Variants in MVD observed in about 807,000 individuals in gnomAD.
The protein encoded by MVD is diphosphomevalonate decarboxylase.
Under a neutral mutation model 42.4 loss-of-function variants are expected in MVD, and 52 were observed. The ratio of observed to expected loss-of-function variants is 1.23; its 90% CI spans 0.98 to 1.55. MVD has a LOEUF of 1.55. MVD is among the 40% of genes most tolerant of loss of function. The probability of loss-of-function intolerance (pLI) is 0.00; values close to 1 mark genes in which losing one functional copy is unlikely to be tolerated. For missense variants in MVD, 663 were observed against 572.1 expected (o/e 1.16, Z -1.62); for synonymous variants, 287 against 243.2 (o/e 1.18, Z -1.68).
At chr16:88,662,944 G>C (rs1908405621) in intron 1 of MVD, 67 bp downstream of exon 1, 1 of 1,551,524 alleles carries the variant, frequency 6.4e-7, no homozygotes, top group African/African-American at 1.4e-5. Context: ...CCGAATCAGC[G>C]CGCGACCCCC....
chr16:88,656,104 C>T lies in MVD; in HGVS notation c.603+1G>A, dbSNP rs1247539129. On this transcript the variant is annotated splice_donor_variant, in intron 5 of 9. Coordinates refer to ENST00000301012, the MANE Select transcript of MVD (RefSeq NM_002461.3). LOFTEE classifies it high-confidence loss of function. ...TGCTCCACCCGCCCCACCCCACTCA[C>T]CACAAGGATGAGCACGCGGAGTTCA... The T allele has an allele frequency of 2.5e-6, 4 of 1,597,778 alleles. No individual in the cohort carries two copies. Among genetic ancestry groups the T allele is most frequent in the Non-Finnish European group, 3.4e-6 (4 of 1,178,042 alleles).
intron 4 of MVD, chr16:88,656,611 G>A: frequency 2.0e-6 from 1 of 498,466 alleles, no homozygotes; most frequent in Non-Finnish European, 3.7e-6. Context: ...GGCCCCCGAG[G>A]ACACCCAAGC....
chr16:88,654,550 C>T (rs1014745784), intron 8 of MVD, 142 bp downstream of exon 8: 6 of 755,506 alleles, frequency 7.9e-6, no homozygotes, highest in East Asian at 3.2e-5. Context: ...ACACCCTGCC[C>T]GTGGCTCCCA....
chr16:88,661,793 AG>A (rs1597384098), intron 1 of MVD, among the ~76,000 whole-genome samples: 1 of 151,388 alleles, frequency 6.6e-6, no homozygotes, highest in African/African-American at 2.4e-5. Context: ...GCATCACCGT[AG>A]GGATGCAAAA....
At position 88,654,771 on chromosome 16, in the gene MVD, T is replaced by C. The variant is rs1320789692; in HGVS notation, c.934A>G (p.Ile312Val). ...YTFDAGPNAV[I>V]FTLDDTVAEF... ...GCCACAGTGTCGTCCAGGGTGAAGA[T>C]CACGGCATTGGGGCCCGCGTCAAAG... The change falls in exon 8 of 10, where the codon ATC becomes GTC. Residue 312 changes from isoleucine (I) to valine (V), a missense_variant. Transcript: ENST00000301012. 5 of 1,597,354 alleles carry C rather than the reference T, an allele frequency of 3.1e-6. No individual in the cohort carries two copies. The highest frequency in any genetic ancestry group is 4.3e-6 in the Non-Finnish European group (5 of 1,174,370).
At chr16:88,653,956 A>C (rs921064688) in intron 8 of MVD, among the ~76,000 whole-genome samples, 1 of 152,078 alleles carries the variant, frequency 6.6e-6, no homozygotes, top group African/African-American at 2.4e-5. Flanking sequence ...CCCGGGACAG[A>C]CGCACATCCC....
rs1272550595 is a variant in MVD at position 88,662,933 on chromosome 16, G to A, written c.70+78C>T. The A allele has an allele frequency of 7.8e-6, 12 of 1,544,418 alleles. No individual in the cohort carries two copies. In the African/African-American group the frequency reaches 1.7e-4, roughly 22 times the overall value. On this transcript the variant is annotated intron_variant, in intron 1 of 9. Transcript: ENST00000301012. ...CTGGGAGGGCAGGACGGAGCGCGCCGCCGAATCAGCGCGCGACCCCCGCGT... is the reference window on the plus strand; with the variant it reads ...CTGGGAGGGCAGGACGGAGCGCGCCACCGAATCAGCGCGCGACCCCCGCGT...
intron 1 of MVD, 76 bp from the exon 2 acceptor site, chr16:88,658,796 AC>A: frequency 1.8e-5 from 16 of 875,066 alleles, no homozygotes; most frequent in Non-Finnish European, 2.4e-5. Context: ...AGGTGCCCCC[AC>A]CCCCCACCCA....
chr16:88,652,594 C>G lies in MVD; in HGVS notation c.1134G>C (p.Gly378=). Residue 378 remains glycine (G), a synonymous_variant, in exon 10 of 10, where the codon GGG becomes GGC. Coordinates refer to ENST00000301012, the MANE Select transcript of MVD (RefSeq NM_002461.3). The part of the protein sequence containing the change: ...KYIIVTQVGP[G]PQILDDPCAH... Reference sequence around the variant, plus strand: ...CGCAGGGGTCATCCAGGATTTGAGGCCCTGGCCCCACCTGGGGATAGAAAT... The same window carrying G: ...CGCAGGGGTCATCCAGGATTTGAGGGCCTGGCCCCACCTGGGGATAGAAAT... 6.4e-7 allele frequency: 1 copy of G among 1,560,470 alleles called. No individual in the cohort carries two copies. The highest frequency in any genetic ancestry group is 8.7e-7 in the Non-Finnish European group (1 of 1,152,268).
intron 2 of MVD, 39 bp from the exon 3 acceptor site, chr16:88,658,068 T>G (rs1172896221): frequency 6.3e-7 from 1 of 1,583,602 alleles, no homozygotes; most frequent in Admixed American, 1.7e-5. Flanking sequence ...AGGCCAGCAT[T>G]GAGGACCGAT....
chr16:88,662,894 CGTCT>C, intron 1 of MVD, 113 bp downstream of exon 1: 2 of 1,493,930 alleles, frequency 1.3e-6, no homozygotes, highest in Non-Finnish European at 1.8e-6. Context: ...TCAGTTTCCC[CGTCT>C]GTCGAGGCCC....
chr16:88,654,635 G>C (rs1236842378), intron 8 of MVD, 57 bp downstream of exon 8: 2 of 1,533,840 alleles, frequency 1.3e-6, no homozygotes, highest in Admixed American at 2.1e-5. Flanking sequence ...CGTCTCTTCC[G>C]ACCAGAGTTC....
chr16:88,658,840 C>A, intron 1 of MVD, 120 bp from the exon 2 acceptor site: 3 of 768,514 alleles, frequency 3.9e-6, no homozygotes, highest in South Asian at 1.6e-5. Flanking sequence ...CGTCTCTCAC[C>A]GCACAACCTG....
At chr16:88,662,764 G>T in intron 1 of MVD, 1 of 1,483,522 alleles carries the variant, frequency 6.7e-7, no homozygotes, top group Non-Finnish European at 8.9e-7. Context: ...ATCGCTAATG[G>T]GCAGGCGCCG....
intron 2 of MVD, 113 bp from the exon 3 acceptor site, chr16:88,658,142 C>T: frequency 9.5e-7 from 1 of 1,053,792 alleles, no homozygotes; most frequent in Non-Finnish European, 1.4e-6. Flanking sequence ...AAGGTCAGCC[C>T]TGCTGAGGGC....
intron 8 of MVD, 174 bp from the exon 9 acceptor site, chr16:88,653,582 A>C: frequency 1.8e-6 from 1 of 571,254 alleles, no homozygotes; most frequent in Non-Finnish European, 3.1e-6. Flanking sequence ...GTGATGAAAA[A>C]GTTAAGGAGG....
intron 2 of MVD, 53 bp downstream of exon 2, chr16:88,658,597 T>C (rs909156804): frequency 2.2e-5 from 35 of 1,569,208 alleles, no homozygotes; most frequent in Non-Finnish European, 2.9e-5. Flanking sequence ...CCAACTGTTC[T>C]ACAAATGTTC....
intron 8 of MVD, 88 bp from the exon 9 acceptor site, chr16:88,653,496 A>G: frequency 8.8e-7 from 1 of 1,137,404 alleles, no homozygotes; most frequent in Non-Finnish European, 1.2e-6. Flanking sequence ...AGAGATGGGA[A>G]GTGCATTCCT....
At chr16:88,656,565 C>T (rs749308323) in intron 4 of MVD, 23 of 563,380 alleles carry the variant, frequency 4.1e-5, no homozygotes, top group Non-Finnish European at 6.4e-5. Context: ...AAGGTACCTG[C>T]GGCAGAGCAG....
Sources: allele counts gnomAD v4.1 joint callset (sites outside exome capture counted in the v4.1 genomes callset), GRCh38; gene constraint gnomAD v4.1.1; transcripts MANE v1.5; gene names NCBI Gene and HGNC (gene_info 2026-07-23, HGNC 2026-07-21).